The following ZFAT variants were observed in gnomAD, a reference collection of about 807,000 sequenced individuals.
The protein encoded by ZFAT is zinc finger and AT-hook domain containing, also known as zinc finger protein ZFAT.
In ZFAT, 64 loss-of-function variants were observed where a neutral mutation model predicts 117.7. That is an observed-to-expected ratio of 0.54 (90% CI 0.44 to 0.67). The LOEUF (loss-of-function observed/expected upper bound fraction) is 0.67, where lower values mean the gene tolerates loss of function less well. Ranked by LOEUF, ZFAT falls within the 30% of genes least tolerant of loss-of-function variation. The pLI, the probability that ZFAT is intolerant of heterozygous loss-of-function variation, is 0.00. For synonymous variants in ZFAT, 679 were observed against 615.0 expected (o/e 1.10, Z -1.54); for missense variants, 1,433 against 1,584.5 (o/e 0.90, Z 1.62).
chr8:134,551,611 T>C (rs950934627), intron 11 of ZFAT, among the ~76,000 whole-genome samples: 26 of 152,340 alleles, frequency 1.7e-4, no homozygotes, highest in African/African-American at 6.0e-4. Flanking sequence ...ACGATTACTT[T>C]GAACTATTTA....
chr8:134,683,773 C>G (rs1289725138), intron 1 of ZFAT, among the ~76,000 whole-genome samples: 1 of 151,996 alleles, frequency 6.6e-6, no homozygotes, highest in African/African-American at 2.4e-5. Context: ...TCCTGGAGGT[C>G]TGGAGACAGG....
chr8:134,563,865 T>C (rs1824230540), intron 11 of ZFAT, among the ~76,000 whole-genome samples: 2 of 152,298 alleles, frequency 1.3e-5, no homozygotes, highest in South Asian at 4.1e-4. Flanking sequence ...TTGACTGTTC[T>C]GTGAGCCAGC....
chr8:134,491,347 G>A (rs1479014421), intron 15 of ZFAT, among the ~76,000 whole-genome samples: 1 of 152,222 alleles, frequency 6.6e-6, no homozygotes, highest in African/African-American at 2.4e-5. Context: ...TGTGGCTGGT[G>A]CACCCAGAGT....
intron 15 of ZFAT, among the ~76,000 whole-genome samples, chr8:134,507,292 C>T (rs1819486593): frequency 6.6e-6 from 1 of 152,142 alleles, no homozygotes; most frequent in Non-Finnish European, 1.5e-5. Context: ...GGCATCCTTT[C>T]ACCTGGGAGA....
At chr8:134,786,922 C>A in the ZFAT span, among the ~76,000 whole-genome samples, 33 of 148,724 alleles carry the variant, frequency 2.2e-4, no homozygotes, top group Non-Finnish European at 3.0e-5. Flanking sequence ...AATTATAGTT[C>A]ACTGCAGGCT....
chr8:134,571,129 GC>G (rs1383707198), intron 10 of ZFAT, among the ~76,000 whole-genome samples: 1 of 152,208 alleles, frequency 6.6e-6, no homozygotes, highest in Non-Finnish European at 1.5e-5. Context: ...CAAAGGCCCT[GC>G]CTCTGGCACT....
At chr8:134,686,610 C>T (rs140102567) in intron 1 of ZFAT, among the ~76,000 whole-genome samples, 1 of 152,260 alleles carries the variant, frequency 6.6e-6, no homozygotes, top group East Asian at 1.9e-4. Flanking sequence ...TAGATCGGAA[C>T]ACTATTTTGG....
chr8:134,637,395 A>AC (rs1411799789), intron 3 of ZFAT, 66 bp downstream of exon 3: 1 of 1,550,356 alleles, frequency 6.5e-7, no homozygotes, highest in African/African-American at 1.4e-5. Context: ...ACCCAGTGAA[A>AC]CCTGATATTA....
At chr8:134,769,102 G>T in the ZFAT span, among the ~76,000 whole-genome samples, 1 of 152,098 alleles carries the variant, frequency 6.6e-6, no homozygotes. Context: ...GAACCCAGGA[G>T]GTGGAGGTTG....
At chr8:134,510,106 T>C in intron 14 of ZFAT, 1 of 461,142 alleles carries the variant, frequency 2.2e-6, no homozygotes, top group Non-Finnish European at 4.3e-6. Flanking sequence ...CCCTCGAAGC[T>C]GAACTCCTGG....
At chr8:134,538,935 T>A (rs10481417) in intron 11 of ZFAT, among the ~76,000 whole-genome samples, 56,419 of 151,966 alleles carry the variant, frequency 0.37, 11,129 homozygotes, top group Admixed American at 0.5. Context: ...AGCAGTTAAG[T>A]TGTCACCACC....
rs1320495051 is a variant in ZFAT, at chr8:134,602,418, C to A, written c.1301G>T (p.Cys434Phe). ...LVHGDKWPFA[C>F]ELCGHGATKY... is the part of the protein sequence containing the mutation. ...GGTGGCCCCATGGCCACAGAGCTCA[C>A]AGGCAAAAGGCCACTTGTCTCCGTG... Residue 434 changes from cysteine to phenylalanine, a missense_variant, in exon 6 of 16, where the codon TGT becomes TTT. By Grantham distance (205) the Cys-to-Phe change is radical. Around this residue, in one of 5 missense-constraint regions of ZFAT, gnomAD observed 73 missense variants for 122.0 expected, o/e 0.60. Transcript: ENST00000377838. 6.2e-7 allele frequency: 1 copy of A among 1,613,870 alleles called. No homozygotes were observed. Among genetic ancestry groups the A allele is most frequent in the Non-Finnish European group, 8.5e-7 (1 of 1,180,050 alleles).
At chr8:134,565,744 GA>G (rs1470642765) in intron 10 of ZFAT, 3 of 413,896 alleles carry the variant, frequency 7.2e-6, no homozygotes, top group East Asian at 1.2e-4. Flanking sequence ...CATCAAGGGA[GA>G]GGGGCACACA....
At chr8:134,768,357 G>A in the ZFAT span, among the ~76,000 whole-genome samples, 2 of 152,180 alleles carry the variant, frequency 1.3e-5, no homozygotes, top group Non-Finnish European at 2.9e-5. Flanking sequence ...AATGTCGTGT[G>A]TGTTCTGACT....
chr8:134,827,461 T>C, the ZFAT span, among the ~76,000 whole-genome samples: 1 of 152,146 alleles, frequency 6.6e-6, no homozygotes, highest in Non-Finnish European at 1.5e-5. Flanking sequence ...TTAGATAATA[T>C]TTTATGCTTA....
At chr8:134,582,595 A>G (rs1414837949) in intron 10 of ZFAT, among the ~76,000 whole-genome samples, 1 of 150,638 alleles carries the variant, frequency 6.6e-6, no homozygotes, top group Non-Finnish European at 1.5e-5. Flanking sequence ...AATTTTGATT[A>G]TGGATTTTTT....
At chr8:134,782,435 C>T in the ZFAT span, among the ~76,000 whole-genome samples, 1 of 152,126 alleles carries the variant, frequency 6.6e-6, no homozygotes, top group East Asian at 1.9e-4. Context: ...ACGACTTGGG[C>T]AATTTACCTA....
At chr8:134,578,447 T>C in intron 10 of ZFAT, among the ~76,000 whole-genome samples, 1 of 144,178 alleles carries the variant, frequency 6.9e-6, no homozygotes, top group East Asian at 2.0e-4. Flanking sequence ...GAATACAATA[T>C]GTGTGGAGAG....
At chr8:134,574,067 T>C (rs1199150987) in intron 10 of ZFAT, among the ~76,000 whole-genome samples, 6 of 152,226 alleles carry the variant, frequency 3.9e-5, no homozygotes, top group African/African-American at 1.4e-4. Flanking sequence ...GTTAGAGAGA[T>C]GTGACCGACC....
Sources: allele counts gnomAD v4.1 joint callset (sites outside exome capture counted in the v4.1 genomes callset), GRCh38; gene constraint gnomAD v4.1.1; regional missense constraint gnomAD v4.1.1; transcripts MANE v1.5; gene names NCBI Gene and HGNC (gene_info 2026-07-23, HGNC 2026-07-21).